Variants in TRAK1 observed in about 807,000 individuals in gnomAD.
The protein encoded by TRAK1 is trafficking kinesin-binding protein 1.
TRAK1 carries 33 observed loss-of-function variants against 92.1 expected under a neutral mutation model. The observed-to-expected ratio is 0.36, with a 90% CI of 0.27 to 0.48. TRAK1 has a LOEUF of 0.48. Ranked by LOEUF, TRAK1 falls within the 20% of genes least tolerant of loss-of-function variation. The pLI is 0.99. For synonymous variants in TRAK1, 521 were observed against 517.3 expected (o/e 1.01, Z -0.10); for missense variants, 1,123 against 1,257.9 (o/e 0.89, Z 1.62).
rs1161724602 is a variant in TRAK1 at position 42,184,747 on chromosome 3, C to T, written c.426C>T (p.Thr142=). ...AGTCGTTGTTGAAGAAGAACAAGAC[C>T]CTAACCGAGAGGAACGAGCTGCTGG... ...IGQSLLKKNK[T]LTERNELLEE... is the part of the protein sequence containing the mutation. The change falls in exon 4 of 16, where the codon ACC becomes ACT. Residue 142 remains threonine, a synonymous_variant. Coordinates refer to ENST00000327628, the MANE Select transcript of TRAK1 (RefSeq NM_001042646.3). 2 of 1,614,104 alleles carry T rather than the reference C, an allele frequency of 1.2e-6. No individual in the cohort carries two copies. Among genetic ancestry groups the T allele is most frequent in the East Asian group, 2.2e-5 (1 of 44,886 alleles).
intron 1 of TRAK1, among the ~76,000 whole-genome samples, chr3:42,023,776 C>T (rs1466039954): frequency 5.3e-5 from 5 of 93,888 alleles, no homozygotes; most frequent in Non-Finnish European, 9.5e-5. Flanking sequence ...TTTTTTGAGA[C>T]GGAATCTCAC....
intron 1 of TRAK1, among the ~76,000 whole-genome samples, chr3:42,112,195 G>A (rs1205228870): frequency 1.5e-5 from 2 of 133,656 alleles, no homozygotes; most frequent in African/African-American, 2.8e-5. Flanking sequence ...AGGCTGGAGT[G>A]CAATGGCGCG....
chr3:42,156,896 A>G (rs1029807047), intron 2 of TRAK1, among the ~76,000 whole-genome samples: 16 of 152,172 alleles, frequency 1.1e-4, no homozygotes, highest in African/African-American at 3.9e-4. Flanking sequence ...ATGCCCGTTC[A>G]TAATCCCAAC....
chr3:42,079,016 G>A (rs1051576083), intron 1 of TRAK1, among the ~76,000 whole-genome samples: 1 of 152,110 alleles, frequency 6.6e-6, no homozygotes, highest in Admixed American at 6.5e-5. Flanking sequence ...GAATTAGACC[G>A]GCAACCTGAA....
chr3:42,071,282 CTAGT>C (rs1703920705), intron 1 of TRAK1, among the ~76,000 whole-genome samples: 1 of 152,208 alleles, frequency 6.6e-6, no homozygotes, highest in Non-Finnish European at 1.5e-5. Context: ...CTTTCTCACT[CTAGT>C]TATTTTGTTA....
chr3:42,162,063 A>G (rs991329543), intron 2 of TRAK1, among the ~76,000 whole-genome samples: 1 of 152,198 alleles, frequency 6.6e-6, no homozygotes, highest in African/African-American at 2.4e-5. Flanking sequence ...TCTGCCTTGT[A>G]ACAAGATGTC....
At chr3:42,201,134 T>C (rs1707487473) in intron 12 of TRAK1, 80 bp downstream of exon 12, 1 of 1,456,712 alleles carries the variant, frequency 6.9e-7, no homozygotes, top group Non-Finnish European at 9.6e-7. Flanking sequence ...TCAGTAATTA[T>C]TAAGAGGGAG....
chr3:42,222,880 C>G, intron 15 of TRAK1, 62 bp from the exon 16 acceptor site: 1 of 1,559,292 alleles, frequency 6.4e-7, no homozygotes, highest in Non-Finnish European at 8.7e-7. Flanking sequence ...AAACTGGCCA[C>G]TGACCCTTTC....
At chr3:42,084,675 C>T (rs1704590389), upstream of TRAK1, among the ~76,000 whole-genome samples, 4 of 152,204 alleles carry the variant, frequency 2.6e-5, no homozygotes, top group South Asian at 8.3e-4. Flanking sequence ...TCTAGTTCAT[C>T]CTGCTCAGCC....
intron 2 of TRAK1, among the ~76,000 whole-genome samples, chr3:42,169,307 G>A (rs1559866494): frequency 6.6e-6 from 1 of 151,418 alleles, no homozygotes; most frequent in Non-Finnish European, 1.5e-5. Context: ...TCCTTTTTAT[G>A]ACTCAATATT....
intron 1 of TRAK1, among the ~76,000 whole-genome samples, chr3:42,110,094 G>GTGTATATATATATATA (rs1417746436): frequency 4.9e-4 from 41 of 83,238 alleles, no homozygotes; most frequent in Non-Finnish European, 8.8e-4. Flanking sequence ...AGAACTTAAA[G>GTGTATATATATATATA]TATATATATA....
Position 42,023,173 on chromosome 3 carries a change from A to AAC in TRAK1, c.-519+9058_-519+9059dup, listed in dbSNP as rs386396452. Among the ~76,000 whole-genome samples, 3 of 151,294 alleles carry AAC rather than the reference A, an allele frequency of 2.0e-5. No homozygotes were observed. The East Asian group carries it at 5.8e-4, about 29-fold the overall frequency. ...ACTGCATCTCAAAAAAAAAAAAAAA[A>AAC]ACAACAAAAAGAAAATAAATATTCC... is the stretch of plus-strand genomic sequence containing the variant. On this transcript the variant is annotated intron_variant, in intron 1 of 16. Coordinates refer to the TRAK1 transcript ENST00000487159.
chr3:42,218,228 A>G (rs1709928734), intron 14 of TRAK1: 6 of 985,418 alleles, frequency 6.1e-6, no homozygotes, highest in Non-Finnish European at 7.2e-6. Flanking sequence ...CTTTTAAGAC[A>G]TAGTCAACTG....
In TRAK1 at chr3:42,105,797, C is replaced by T. The variant is rs1026092187; in HGVS notation, c.91+14237C>T. ...AGGTCGGGTTACCCACAAAGGGAAGCCCATTAGACTAACAGCAGATCTCTC... is the reference window on the plus strand; with the variant it reads ...AGGTCGGGTTACCCACAAAGGGAAGTCCATTAGACTAACAGCAGATCTCTC... On this transcript the variant is annotated intron_variant, in intron 1 of 15. Transcript: ENST00000327628. 3.9e-4 allele frequency among the ~76,000 whole-genome samples: 59 copies of T among 152,206 alleles called. 1 individual carries two copies. The highest frequency in any genetic ancestry group is 8.8e-5 in the Non-Finnish European group (6 of 68,048).
chr3:42,200,425 C>A (rs969015292), intron 11 of TRAK1, among the ~76,000 whole-genome samples: 1 of 152,168 alleles, frequency 6.6e-6, no homozygotes, highest in South Asian at 2.1e-4. Context: ...ATTTCTGCTG[C>A]GCTGAGCAGT....
chr3:42,083,207 A>G (rs1239840239), upstream of TRAK1, among the ~76,000 whole-genome samples: 4 of 152,136 alleles, frequency 2.6e-5, no homozygotes, highest in African/African-American at 9.7e-5. Flanking sequence ...TTTTAAAATC[A>G]CTGTGAAGTT....
At chr3:42,139,869 G>A (rs550162122) in intron 2 of TRAK1, among the ~76,000 whole-genome samples, 12 of 152,282 alleles carry the variant, frequency 7.9e-5, no homozygotes, top group African/African-American at 2.2e-4. Flanking sequence ...GAGTTTTGGC[G>A]TGAATGGAAT....
intron 1 of TRAK1, among the ~76,000 whole-genome samples, chr3:42,026,919 A>G (rs1018992726): frequency 6.6e-6 from 1 of 152,164 alleles, no homozygotes; most frequent in South Asian, 2.1e-4. Context: ...GTTATAGGGT[A>G]TAATCAATAT....
chr3:42,219,267 T>A, intron 14 of TRAK1: 1 of 985,086 alleles, frequency 1.0e-6, no homozygotes, highest in Non-Finnish European at 1.2e-6. Flanking sequence ...TAGTCTGGAT[T>A]GGGTCGGAAG....
Sources: allele counts gnomAD v4.1 joint callset (sites outside exome capture counted in the v4.1 genomes callset), GRCh38; gene constraint gnomAD v4.1.1; transcripts MANE v1.5; gene names NCBI Gene and HGNC (gene_info 2026-07-23, HGNC 2026-07-21).